The following CACNG6 variants were observed in gnomAD, a reference collection of about 807,000 sequenced individuals.
CACNG6 encodes the protein voltage-dependent calcium channel gamma-6 subunit.
A neutral mutation model predicts 23.9 loss-of-function variants in CACNG6; 21 were observed. The observed-to-expected ratio is 0.88, with a 90% CI of 0.62 to 1.26. The LOEUF (loss-of-function observed/expected upper bound fraction) is 1.26, where lower values mean the gene tolerates loss of function less well. CACNG6 is among the 50% of genes most tolerant of loss of function. The probability of loss-of-function intolerance (pLI) is 0.00; values close to 1 mark genes in which losing one functional copy is unlikely to be tolerated. For synonymous variants in CACNG6, 182 were observed against 168.9 expected, an observed-to-expected ratio of 1.08 and a Z score of -0.60; for missense variants, 340 against 352.9, an observed-to-expected ratio of 0.96 and a Z score of 0.29.
In CACNG6 at chr19:54,008,532, C is replaced by G. The variant is rs952697612; in HGVS notation, c.545-3419C>G. On this transcript the variant is annotated intron_variant, in intron 3 of 3. Coordinates refer to ENST00000252729, the MANE Select transcript of CACNG6 (RefSeq NM_145814.2). ...CAGACGGTCCTGCATGACCTGGCCC[C>G]TGCCCGCCCCTGCAGTTCCATTACC... Among the ~76,000 whole-genome samples, 12 of 152,288 alleles carry G rather than the reference C, an allele frequency of 7.9e-5. No individual in the cohort carries two copies. In the East Asian group the frequency reaches 2.3e-3, roughly 29 times the overall value.
Position 54,011,994 on chromosome 19 carries a change from G to A in CACNG6, c.588G>A (p.Val196=). The A allele has an allele frequency of 1.3e-6, 2 of 1,593,928 alleles. No homozygotes were observed. Among genetic ancestry groups the A allele is most frequent in the Middle Eastern group, 3.4e-4 (2 of 5,846 alleles). ...LVSLEVFRHS[V]RALLQRVSPE... is the part of the protein sequence containing the mutation. ...GCCTGGAGGTGTTCCGGCATTCCGT[G>A]AGGGCCCTGCTGCAGAGAGTCAGCC... The change falls in exon 4 of 4, where the codon GTG becomes GTA. Residue 196 remains valine, a synonymous_variant. Transcript: ENST00000252729.
At chr19:53,997,429 T>C (rs936074138) in intron 1 of CACNG6, among the ~76,000 whole-genome samples, 1 of 151,750 alleles carries the variant, frequency 6.6e-6, no homozygotes, top group African/African-American at 2.4e-5. Context: ...CCTGTTTTGT[T>C]TTTTTTTTCT....
Position 53,992,083 on chromosome 19 carries a change from C to T in CACNG6, c.-795C>T, listed in dbSNP as rs1324579442. On this transcript the variant is annotated 5_prime_UTR_variant, in exon 1 of 4. Transcript: ENST00000252729. The surrounding 1 kb of genome is among the most constrained non-coding windows in gnomAD (Gnocchi z 4.1). ...GCTCAGTAGAGACCTCGGATCTTTT[C>T]TGAATGGCAGGGGAGACCCCTATCC... Among the ~76,000 whole-genome samples the T allele has an allele frequency of 6.6e-6, 1 of 152,180 alleles. No individual in the cohort carries two copies. Among genetic ancestry groups the T allele is most frequent in the African/African-American group, 2.4e-5 (1 of 41,450 alleles).
chr19:54,012,007 CAG>C lies in CACNG6; in HGVS notation c.606_607del (p.Arg202SerfsTer67), dbSNP rs780898797. 1.8e-5 allele frequency: 29 copies of C among 1,602,856 alleles called. No homozygotes were observed. Among genetic ancestry groups the C allele is most frequent in the Admixed American group, 3.4e-5 (2 of 58,544 alleles). On this transcript the variant is annotated frameshift_variant, in exon 4 of 4. Coordinates refer to ENST00000252729, the MANE Select transcript of CACNG6 (RefSeq NM_145814.2). LOFTEE classifies it high-confidence loss of function. ...VFRHSVRALL[Q>X]RVSPEPPPAP... ...CCGGCATTCCGTGAGGGCCCTGCTGCAGAGAGTCAGCCCGGAGCCTCCCCCGG... is the reference window on the plus strand; with the variant it reads ...CCGGCATTCCGTGAGGGCCCTGCTGCAGAGTCAGCCCGGAGCCTCCCCCGG...
At chr19:54,002,074 T>C (rs982641266) in intron 3 of CACNG6, among the ~76,000 whole-genome samples, 21 of 151,540 alleles carry the variant, frequency 1.4e-4, no homozygotes, top group African/African-American at 4.9e-4. Flanking sequence ...TCCCTATGTC[T>C]CTTTCTATCT....
chr19:54,001,322 A>G (rs566672716), intron 3 of CACNG6, among the ~76,000 whole-genome samples: 44 of 151,540 alleles, frequency 2.9e-4, no homozygotes, highest in Non-Finnish European at 5.7e-4. Flanking sequence ...CCAAGTAGCT[A>G]GGATTACAGG....
intron 3 of CACNG6, among the ~76,000 whole-genome samples, chr19:54,007,740 A>C (rs2069663109): frequency 7.4e-6 from 1 of 134,396 alleles, no homozygotes; most frequent in Non-Finnish European, 1.6e-5. Flanking sequence ...TCTACAAAAT[A>C]AAATGAAATA....
chr19:54,004,872 G>T (rs1166271945), intron 3 of CACNG6, among the ~76,000 whole-genome samples: 1 of 151,924 alleles, frequency 6.6e-6, no homozygotes, highest in Non-Finnish European at 1.5e-5. Flanking sequence ...GTCTAAAGGG[G>T]ACTCATTTGG....
chr19:53,996,047 G>A (rs1015555612), intron 1 of CACNG6, among the ~76,000 whole-genome samples: 10 of 152,248 alleles, frequency 6.6e-5, no homozygotes, highest in South Asian at 2.1e-4. Context: ...ACCTCCCCTC[G>A]GGGTACTTGG....
At chr19:54,010,036 C>CTTTTTTTTTT (rs199976621) in intron 3 of CACNG6, among the ~76,000 whole-genome samples, 1 of 97,920 alleles carries the variant, frequency 1.0e-5, no homozygotes, top group Admixed American at 1.3e-4. Flanking sequence ...TATTTCTTTT[C>CTTTTTTTTTT]TTTCTTTTTT....
At chr19:54,004,337 G>T (rs879720219) in intron 3 of CACNG6, among the ~76,000 whole-genome samples, 463 of 5,872 alleles carry the variant, frequency 0.079, 14 homozygotes, top group East Asian at 0.21. Flanking sequence ...TTGTATTTTT[G>T]TGTGTGTGTG....
chr19:53,993,219 G>A lies in CACNG6; in HGVS notation c.331+11G>A. On this transcript the variant is annotated intron_variant, in intron 1 of 3. Coordinates refer to ENST00000252729, the MANE Select transcript of CACNG6 (RefSeq NM_145814.2). ...CGGAGCTGCCCGGAGGTGAGCAGCC[G>A]CCGCCCCGAGCGCAGGGCTTGCGTC... 6.5e-7 allele frequency: 1 copy of A among 1,529,706 alleles called. No individual in the cohort carries two copies. The allele number at this position is 1,529,706 out of a possible 1,614,324, so 94.8% of individuals were successfully genotyped here. A position where few individuals can be genotyped will look rare whatever the true frequency, so the allele number is the denominator to read the frequency against.
chr19:54,003,483 C>T (rs1036740536), intron 3 of CACNG6, among the ~76,000 whole-genome samples: 41 of 152,212 alleles, frequency 2.7e-4, no homozygotes, highest in Admixed American at 1.3e-3. Flanking sequence ...GCCACAGCCT[C>T]GGAAGTAGCT....
chr19:53,998,333 T>C lies in CACNG6; in HGVS notation c.406+20T>C. 1 of 1,599,892 alleles carries C rather than the reference T, an allele frequency of 6.3e-7. No individual in the cohort carries two copies. The highest frequency in any genetic ancestry group is 2.2e-5 in the East Asian group (1 of 44,780). ...AGAAAGGTGAGAACTTTTCACCCCC[T>C]GCTGGGTGACAGGTGGGGGAAATGC... On this transcript the variant is annotated intron_variant, in intron 2 of 3. Coordinates refer to ENST00000252729, the MANE Select transcript of CACNG6 (RefSeq NM_145814.2).
At chr19:54,010,960 A>C (rs1300098837) in intron 3 of CACNG6, among the ~76,000 whole-genome samples, 1 of 151,792 alleles carries the variant, frequency 6.6e-6, no homozygotes, top group African/African-American at 2.4e-5. Flanking sequence ...CATGTAAACA[A>C]TGCATAATGA....
At chr19:53,993,721 C>G (rs158194) in intron 1 of CACNG6, among the ~76,000 whole-genome samples, 30,094 of 149,962 alleles carry the variant, frequency 0.2, 3,367 homozygotes, top group African/African-American at 0.28. Flanking sequence ...ACATGCACCC[C>G]TAGACCAGTC....
Position 54,012,083 on chromosome 19 carries a change from G to T in CACNG6, c.677G>T (p.Gly226Val). 1 of 1,583,464 alleles carries T rather than the reference G, an allele frequency of 6.3e-7. No homozygotes were observed. The change falls in exon 4 of 4, where the codon GGG (glycine) becomes GTG (valine). Residue 226 changes from glycine (G) to valine (V), a missense_variant. By Grantham distance (109) the Gly-to-Val change is moderately radical. Coordinates refer to ENST00000252729, the MANE Select transcript of CACNG6 (RefSeq NM_145814.2). ...TCCTGGTCCCTGGGCTGCGGCGTGGGGGCCGGCCTGATCCTGCTGTTGGGG... is the reference window on the plus strand; with the variant it reads ...TCCTGGTCCCTGGGCTGCGGCGTGGTGGCCGGCCTGATCCTGCTGTTGGGG... ...EYSWSLGCGV[G>V]AGLILLLGAG... is the part of the protein sequence containing the mutation.
intron 1 of CACNG6, among the ~76,000 whole-genome samples, chr19:53,996,112 C>G (rs1199960974): frequency 2.6e-5 from 4 of 152,354 alleles, no homozygotes; most frequent in Non-Finnish European, 4.4e-5. Flanking sequence ...CTTGTCCCTT[C>G]ATATCCTTGT....
intron 3 of CACNG6, among the ~76,000 whole-genome samples, chr19:54,005,822 G>A (rs939324947): frequency 6.7e-6 from 1 of 149,060 alleles, no homozygotes; most frequent in Non-Finnish European, 1.5e-5. Context: ...CAGGCGCGGT[G>A]GCTCACTCCT....
Sources: gnomAD v4.1 joint callset for allele counts (sites outside exome capture counted in the v4.1 genomes callset) on GRCh38, gnomAD v4.1.1 for gene constraint, Gnocchi (gnomAD v3.1) non-coding constraint, MANE v1.5 for transcripts, NCBI Gene and HGNC (gene_info 2026-07-23, HGNC 2026-07-21) for gene names.